Variants in AGXT2 observed in about 807,000 individuals in gnomAD.
AGXT2 encodes the protein alanine--glyoxylate aminotransferase 2, mitochondrial.
A neutral mutation model predicts 62.5 loss-of-function variants in AGXT2; 61 were observed. That is an observed-to-expected ratio of 0.98 (90% CI 0.79 to 1.21). The LOEUF (loss-of-function observed/expected upper bound fraction) is 1.21, where lower values mean the gene tolerates loss of function less well. AGXT2 is among the 50% of genes most tolerant of loss of function. AGXT2 has a pLI of 0.00. For missense variants in AGXT2, 666 were observed against 641.5 expected, an observed-to-expected ratio of 1.04 and a Z score of -0.41; for synonymous variants, 243 against 218.7, an observed-to-expected ratio of 1.11 and a Z score of -0.98.
At chr5:35,015,096 T>G (rs1023930568) in intron 9 of AGXT2, among the ~76,000 whole-genome samples, 1 of 152,220 alleles carries the variant, frequency 6.6e-6, no homozygotes, top group East Asian at 1.9e-4. Flanking sequence ...TCTCACCGAC[T>G]TCTTCTGTGC....
intron 12 of AGXT2, among the ~76,000 whole-genome samples, chr5:35,004,237 G>C (rs1379284033): frequency 2.0e-5 from 3 of 152,178 alleles, no homozygotes; most frequent in Non-Finnish European, 4.4e-5. Flanking sequence ...TCTTCACTTT[G>C]TTCTGCCCAT....
At chr5:35,032,383 G>A (rs1342628386) in intron 7 of AGXT2, among the ~76,000 whole-genome samples, 9 of 152,046 alleles carry the variant, frequency 5.9e-5, no homozygotes, top group Admixed American at 3.3e-4. Context: ...ATGCCACCAC[G>A]CCCAGCTTGT....
At chr5:34,999,675 A>C (rs1389079036) in intron 13 of AGXT2, among the ~76,000 whole-genome samples, 3 of 151,960 alleles carry the variant, frequency 2.0e-5, no homozygotes, top group Non-Finnish European at 4.4e-5. Context: ...CATTCCTCTC[A>C]ATTTCCTTAC....
chr5:35,040,200 G>A (rs1161111227), intron 2 of AGXT2, among the ~76,000 whole-genome samples: 1 of 152,208 alleles, frequency 6.6e-6, no homozygotes, highest in Non-Finnish European at 1.5e-5. Flanking sequence ...GGAGTACCCA[G>A]GAAGGTCAGA....
At chr5:35,044,862 G>A (rs566776383) in intron 1 of AGXT2, among the ~76,000 whole-genome samples, 1 of 152,332 alleles carries the variant, frequency 6.6e-6, no homozygotes, top group South Asian at 2.1e-4. Context: ...TGGCAAGGCT[G>A]CCTGGAGGGG....
chr5:35,014,119 C>T lies in AGXT2; in HGVS notation c.964G>A (p.Val322Met). Reference sequence around the variant, plus strand: ...CCCAACCTTCCAAATCCTGTCTGCACCTGGGAAAACAAGTTCAAAACCATT... The same window carrying T: ...CCCAACCTTCCAAATCCTGTCTGCATCTGGGAAAACAAGTTCAAAACCATT... ...ARGGVCIADE[V>M]QTGFGRLGSH... Residue 322 changes from valine (V) to methionine (M), a missense_variant and splice_region_variant, in exon 10 of 14, where the codon GTG (valine) becomes ATG (methionine). Physicochemically the swap from Val to Met is conservative, Grantham distance 21. Coordinates refer to ENST00000231420, the MANE Select transcript of AGXT2 (RefSeq NM_031900.4). 3 of 1,613,938 alleles carry T rather than the reference C, an allele frequency of 1.9e-6. No homozygotes were observed. Among genetic ancestry groups the T allele is most frequent in the Non-Finnish European group, 2.5e-6 (3 of 1,179,962 alleles).
chr5:35,039,921 T>C (rs1268691303), intron 2 of AGXT2, among the ~76,000 whole-genome samples: 2 of 152,244 alleles, frequency 1.3e-5, no homozygotes, highest in Non-Finnish European at 2.9e-5. Context: ...TTTGTATCTT[T>C]ATTTATAAAA....
At chr5:35,017,857 C>A (rs1250905447) in intron 9 of AGXT2, among the ~76,000 whole-genome samples, 1 of 151,954 alleles carries the variant, frequency 6.6e-6, no homozygotes, top group African/African-American at 2.4e-5. Flanking sequence ...TCTAGAATAA[C>A]CAATAAAGAG....
At chr5:35,039,591 C>T in intron 2 of AGXT2, 83 bp from the exon 3 acceptor site, 1 of 1,443,228 alleles carries the variant, frequency 6.9e-7, no homozygotes, top group Non-Finnish European at 9.7e-7. Flanking sequence ...CCCAGGCTCT[C>T]TAGTGGACAG....
chr5:35,046,056 C>T (rs1295109365), intron 1 of AGXT2, among the ~76,000 whole-genome samples: 1 of 152,120 alleles, frequency 6.6e-6, no homozygotes, highest in African/African-American at 2.4e-5. Flanking sequence ...TGTGAGCCAC[C>T]GCACCCGGCC....
intron 9 of AGXT2, among the ~76,000 whole-genome samples, chr5:35,024,756 G>A (rs1767257829): frequency 6.6e-6 from 1 of 152,076 alleles, no homozygotes; most frequent in African/African-American, 2.4e-5. Flanking sequence ...ATCACCTGAG[G>A]TCAGGAGTTC....
At chr5:35,026,267 T>C (rs1767343748) in intron 8 of AGXT2, 143 bp downstream of exon 8, 1 of 758,156 alleles carries the variant, frequency 1.3e-6, no homozygotes, top group African/African-American at 1.8e-5. Flanking sequence ...AGCGTCTTCT[T>C]TTTTCAAGGA....
At chr5:35,039,948 C>A (rs1331567790) in intron 2 of AGXT2, among the ~76,000 whole-genome samples, 1 of 152,150 alleles carries the variant, frequency 6.6e-6, no homozygotes, top group African/African-American at 2.4e-5. Flanking sequence ...TCCTGTATTT[C>A]TCTTCTTTGT....
chr5:35,023,488 A>G (rs1372980011), intron 9 of AGXT2, among the ~76,000 whole-genome samples: 1 of 152,262 alleles, frequency 6.6e-6, no homozygotes. Flanking sequence ...TAAAACCACA[A>G]GACAGAAAAT....
At chr5:35,032,180 G>A (rs1236518921) in intron 7 of AGXT2, among the ~76,000 whole-genome samples, 1 of 151,472 alleles carries the variant, frequency 6.6e-6, no homozygotes, top group African/African-American at 2.4e-5. Context: ...TCAAACTCCC[G>A]ACCTCAGGTG....
intron 4 of AGXT2, 31 bp downstream of exon 4, chr5:35,036,911 A>G (rs1767789570): frequency 1.2e-6 from 2 of 1,613,332 alleles, no homozygotes; most frequent in Non-Finnish European, 1.7e-6. Flanking sequence ...TTCCCCCATA[A>G]CATTCACCTC....
chr5:35,007,712 T>G (rs980288932), intron 12 of AGXT2, among the ~76,000 whole-genome samples: 1 of 152,176 alleles, frequency 6.6e-6, no homozygotes, highest in African/African-American at 2.4e-5. Flanking sequence ...AAGAGCCCCT[T>G]CTATAGATAC....
chr5:35,030,205 A>G (rs896570368), intron 7 of AGXT2, among the ~76,000 whole-genome samples: 1 of 152,142 alleles, frequency 6.6e-6, no homozygotes, highest in Non-Finnish European at 1.5e-5. Flanking sequence ...TCCCTTGAAG[A>G]TGTGAGTTAA....
At chr5:35,006,833 T>A (rs114421713) in intron 12 of AGXT2, among the ~76,000 whole-genome samples, 1,821 of 152,286 alleles carry the variant, frequency 0.012, 20 homozygotes, top group Non-Finnish European at 0.02. Flanking sequence ...TTGGGTATTA[T>A]AACTATGCGA....
Sources: gnomAD v4.1 joint callset for allele counts (sites outside exome capture counted in the v4.1 genomes callset) on GRCh38, gnomAD v4.1.1 for gene constraint, MANE v1.5 for transcripts, NCBI Gene and HGNC (gene_info 2026-07-23, HGNC 2026-07-21) for gene names.